The following CPB2 variants were observed in gnomAD, a reference collection of about 807,000 sequenced individuals.
CPB2 encodes carboxypeptidase B-like protein.
CPB2 carries 54 observed loss-of-function variants against 57.0 expected under a neutral mutation model. The observed-to-expected ratio is 0.95, with a 90% CI of 0.76 to 1.19. The LOEUF (loss-of-function observed/expected upper bound fraction) is 1.19. Ranked by LOEUF, CPB2 falls within the 50% of genes most tolerant of loss-of-function variation. CPB2 has a pLI of 0.00. For synonymous variants in CPB2, 189 were observed against 178.1 expected, an observed-to-expected ratio of 1.06 and a Z score of -0.49; for missense variants, 426 against 512.0, an observed-to-expected ratio of 0.83 and a Z score of 1.62.
rs1403999555 is a variant in CPB2 at position 46,084,274 on chromosome 13, C to T, written c.220G>A (p.Ala74Thr). Residue 74 changes from alanine (A) to threonine (T), a missense_variant, in exon 3 of 11, where the codon GCA becomes ACA. Coordinates refer to ENST00000181383, the MANE Select transcript of CPB2 (RefSeq NM_001872.5). Reference protein sequence around the residue: ...KKKQVHFFVNASDVDNVKAHL... With the variant: ...KKKQVHFFVNTSDVDNVKAHL... ...GCTTTCACATTGTCGACATCAGATG[C>T]ATTTACAAAAAAATGGACTTGTTTT... 6 of 1,613,982 alleles carry T rather than the reference C, an allele frequency of 3.7e-6. No homozygotes were observed. Among genetic ancestry groups the T allele is most frequent in the Non-Finnish European group, 5.1e-6 (6 of 1,179,996 alleles).
chr13:46,058,398 A>T lies in CPB2; in HGVS notation c.797-17T>A, dbSNP rs773280026. On this transcript the variant is annotated splice_polypyrimidine_tract_variant and intron_variant, in intron 8 of 10. Coordinates refer to ENST00000181383, the MANE Select transcript of CPB2 (RefSeq NM_001872.5). ...CACCTTCCTCTGTAACGAAATTGTT[A>T]AGGTGAAATTATGAGGGGATGCACA... 6.2e-7 allele frequency: 1 copy of T among 1,611,786 alleles called. No homozygotes were observed. Among genetic ancestry groups the T allele is most frequent in the Non-Finnish European group, 8.5e-7 (1 of 1,178,056 alleles).
At chr13:46,061,400 C>G (rs2044770736) in intron 8 of CPB2, among the ~76,000 whole-genome samples, 1 of 152,132 alleles carries the variant, frequency 6.6e-6, no homozygotes, top group Non-Finnish European at 1.5e-5. Flanking sequence ...CTCCCAAATT[C>G]CTATGTTGAA....
rs1087 is a variant in CPB2, at chr13:46,053,304, A to C, written c.*310T>G. ...ATCCAATGATCAGCGTGAGATGATC[A>C]TTGATTAAACTTGCTTGAGATGGCT... On this transcript the variant is annotated 3_prime_UTR_variant, in exon 11 of 11. Coordinates refer to ENST00000181383, the MANE Select transcript of CPB2 (RefSeq NM_001872.5). The C allele has an allele frequency of 3.8e-5, 9 of 235,072 alleles. No individual in the cohort carries two copies. Among genetic ancestry groups the C allele is most frequent in the Non-Finnish European group, 7.5e-5 (9 of 120,042 alleles). The allele number at this position is 235,072 out of a possible 1,614,324, so 14.6% of individuals were successfully genotyped here. A position where few individuals can be genotyped will look rare whatever the true frequency, so the allele number is the denominator to read the frequency against.
rs760012922 is a variant in CPB2, at chr13:46,053,610, G to C, written c.*4C>G. On this transcript the variant is annotated 3_prime_UTR_variant, in exon 11 of 11. Coordinates refer to ENST00000181383, the MANE Select transcript of CPB2 (RefSeq NM_001872.5). Reference sequence around the variant, plus strand: ...ACGGAAGCAGAATGATAAAATCAGGGGCATTAAACATTCCTAATGACATGC... The same window carrying C: ...ACGGAAGCAGAATGATAAAATCAGGCGCATTAAACATTCCTAATGACATGC... The C allele has an allele frequency of 5.0e-6, 8 of 1,607,398 alleles. No homozygotes were observed. Among genetic ancestry groups the C allele is most frequent in the Non-Finnish European group, 6.8e-6 (8 of 1,175,230 alleles).
intron 8 of CPB2, among the ~76,000 whole-genome samples, chr13:46,063,420 A>G (rs993438779): frequency 6.6e-6 from 1 of 152,088 alleles, no homozygotes; most frequent in Non-Finnish European, 1.5e-5. Flanking sequence ...ACCATACAGT[A>G]TTTGATTTTC....
intron 8 of CPB2, among the ~76,000 whole-genome samples, chr13:46,061,545 T>G (rs1158038301): frequency 6.6e-6 from 1 of 152,108 alleles, no homozygotes; most frequent in Non-Finnish European, 1.5e-5. Flanking sequence ...CCAGGGAGGT[T>G]TGTGCAGAAA....
intron 7 of CPB2, among the ~76,000 whole-genome samples, chr13:46,066,160 C>T (rs1000561965): frequency 6.6e-6 from 1 of 152,166 alleles, no homozygotes; most frequent in Non-Finnish European, 1.5e-5. Flanking sequence ...ATCACACCAA[C>T]TAATCTTATT....
intron 3 of CPB2, among the ~76,000 whole-genome samples, chr13:46,083,211 C>T (rs537315293): frequency 2.6e-5 from 4 of 152,176 alleles, no homozygotes; most frequent in South Asian, 2.1e-4. Context: ...AAATAAAAGC[C>T]GCAGTGTTGA....
At chr13:46,074,991 G>T (rs1022953) in intron 5 of CPB2, among the ~76,000 whole-genome samples, 120,004 of 152,150 alleles carry the variant, frequency 0.79, 47,678 homozygotes, top group African/African-American at 0.88. Flanking sequence ...TTGCGTGGCC[G>T]CGTTCCTAAC....
chr13:46,098,412 C>G (rs1395800517), intron 1 of CPB2: 1 of 152,198 alleles, frequency 6.6e-6, no homozygotes, highest in African/African-American at 2.4e-5. Flanking sequence ...AGGGACCAAG[C>G]AAAACCCCAG....
chr13:46,060,384 C>T (rs1022484783), intron 8 of CPB2, among the ~76,000 whole-genome samples: 4 of 151,712 alleles, frequency 2.6e-5, no homozygotes, highest in African/African-American at 7.3e-5. Flanking sequence ...CTTGCTTGAA[C>T]CCAGGAGGCA....
intron 1 of CPB2, among the ~76,000 whole-genome samples, chr13:46,090,403 C>T (rs1354570977): frequency 6.9e-6 from 1 of 145,602 alleles, no homozygotes; most frequent in Non-Finnish European, 1.5e-5. Context: ...CACTCTGTCA[C>T]CCAGGCAGGA....
chr13:46,080,827 C>G (rs545051361), intron 4 of CPB2, among the ~76,000 whole-genome samples: 28 of 151,998 alleles, frequency 1.8e-4, no homozygotes, highest in Non-Finnish European at 3.2e-4. Context: ...AAAAAATTAG[C>G]TGAGCGTGGT....
Position 46,053,808 on chromosome 13 carries a change from GAAGA to G in CPB2, c.1088-14_1088-11del. On this transcript the variant is annotated splice_polypyrimidine_tract_variant and intron_variant, in intron 10 of 10. Transcript: ENST00000181383. ...CCTCCAGGAGCTAGGTCTAAAAGAA[GAAGA>G]AAGAAATTGTTGAAATACAGACGTT... The G allele has an allele frequency of 3.1e-6, 5 of 1,607,106 alleles. No individual in the cohort carries two copies. In the South Asian group the frequency reaches 4.4e-5, roughly 14 times the overall value.
At chr13:46,059,421 A>G (rs956372113) in intron 8 of CPB2, among the ~76,000 whole-genome samples, 6 of 152,200 alleles carry the variant, frequency 3.9e-5, no homozygotes, top group African/African-American at 1.4e-4. Flanking sequence ...CTTTGGGTAA[A>G]TTTTTAAAAA....
At chr13:46,082,699 G>A (rs774122906) in intron 3 of CPB2, 150 bp from the exon 4 acceptor site, 10 of 528,760 alleles carry the variant, frequency 1.9e-5, no homozygotes, top group South Asian at 1.0e-4. Flanking sequence ...AAGACATCTC[G>A]CATTGTGGTA....
chr13:46,080,962 ACT>A (rs1468308488), intron 4 of CPB2, among the ~76,000 whole-genome samples: 1 of 119,404 alleles, frequency 8.4e-6, no homozygotes, highest in Non-Finnish European at 1.6e-5. Context: ...ACAGAGAGAA[ACT>A]CTGTCTCAAA....
intron 2 of CPB2, among the ~76,000 whole-genome samples, chr13:46,086,463 C>T (rs1413081305): frequency 6.6e-6 from 1 of 152,124 alleles, no homozygotes; most frequent in Non-Finnish European, 1.5e-5. Flanking sequence ...AGAGGAGACC[C>T]TGGAGTGGGT....
At chr13:46,097,458 T>G (rs1475591986) in intron 1 of CPB2, 1 of 152,196 alleles carries the variant, frequency 6.6e-6, no homozygotes, top group African/African-American at 2.4e-5. Flanking sequence ...CGCCTGCCTG[T>G]AGGGCCTCAG....
Sources: allele counts gnomAD v4.1 joint callset (sites outside exome capture counted in the v4.1 genomes callset), GRCh38; gene constraint gnomAD v4.1.1; transcripts MANE v1.5; gene names NCBI Gene and HGNC (gene_info 2026-07-23, HGNC 2026-07-21).